EYS: variants seen among roughly 807,000 people sequenced by gnomAD.
EYS encodes the protein EGF-like photoreceptor maintenance factor, also known as protein eyes shut homolog.
EYS carries 250 observed loss-of-function variants against 282.1 expected under a neutral mutation model. The observed-to-expected ratio is 0.89, with a 90% CI of 0.80 to 0.98. EYS has a LOEUF of 0.98. EYS is among the 50% of genes least tolerant of loss of function. EYS has a pLI of 0.00. For synonymous variants in EYS, 1,355 were observed against 1,282.9 expected (o/e 1.06, Z -1.20); for missense variants, 4,016 against 3,709.0 (o/e 1.08, Z -2.15).
intron 26 of EYS, among the ~76,000 whole-genome samples, chr6:64,580,783 A>G (rs1358352394): frequency 6.6e-6 from 1 of 152,170 alleles, no homozygotes; most frequent in Non-Finnish European, 1.5e-5. Context: ...AGAGAACTGC[A>G]TTATTTCAAG....
At chr6:65,020,311 T>C (rs890634508) in intron 13 of EYS, among the ~76,000 whole-genome samples, 2 of 152,178 alleles carry the variant, frequency 1.3e-5, no homozygotes, top group African/African-American at 4.8e-5. Flanking sequence ...CTAGATACAA[T>C]GTGAGTATAG....
intron 12 of EYS, among the ~76,000 whole-genome samples, chr6:65,072,812 G>GA (rs1366457363): frequency 2.0e-5 from 3 of 151,170 alleles, no homozygotes; most frequent in African/African-American, 7.3e-5. Flanking sequence ...ATAATTATTT[G>GA]AAAAAAATCA....
rs908220847 is a variant in EYS, at chr6:65,450,394, A to G, written c.862+40200T>C. 1.4e-4 allele frequency among the ~76,000 whole-genome samples: 21 copies of G among 152,182 alleles called. No homozygotes were observed. The East Asian group carries it at 2.1e-3, about 15-fold the overall frequency. On this transcript the variant is annotated intron_variant, in intron 5 of 42. Coordinates refer to ENST00000503581, the MANE Select transcript of EYS (RefSeq NM_001142800.2). ...TATTTTTAAAAGTTACATTGTATTTACGAGATGTTACAGATTGGATTCTCT... is the reference window on the plus strand; with the variant it reads ...TATTTTTAAAAGTTACATTGTATTTGCGAGATGTTACAGATTGGATTCTCT...
chr6:64,066,548 A>AC, intron 32 of EYS, 57 bp from the exon 33 acceptor site: 2 of 1,204,468 alleles, frequency 1.7e-6, no homozygotes, highest in Non-Finnish European at 2.3e-6. Context: ...TTATTGGTTA[A>AC]CAATAATTAA....
intron 5 of EYS, among the ~76,000 whole-genome samples, chr6:65,462,184 A>G (rs537790937): frequency 1.3e-5 from 2 of 152,260 alleles, no homozygotes; most frequent in East Asian, 3.9e-4. Flanking sequence ...AATCTCAAAG[A>G]TATGCTGAGT....
intron 13 of EYS, among the ~76,000 whole-genome samples, chr6:65,016,876 A>T (rs1441533855): frequency 6.6e-6 from 1 of 152,238 alleles, no homozygotes; most frequent in Admixed American, 6.5e-5. Flanking sequence ...TAAACAGAAG[A>T]TCTAGCTAAC....
chr6:64,108,320 AT>A (rs1274018682), intron 31 of EYS, among the ~76,000 whole-genome samples: 1 of 151,982 alleles, frequency 6.6e-6, no homozygotes, highest in Non-Finnish European at 1.5e-5. Flanking sequence ...ATAAATTATA[AT>A]TCTCTGTATT....
At chr6:64,426,648 G>C in intron 28 of EYS, among the ~76,000 whole-genome samples, 1 of 152,038 alleles carries the variant, frequency 6.6e-6, no homozygotes, top group Middle Eastern at 3.2e-3. Flanking sequence ...TGTGAAAAAG[G>C]ATGGAGTCTA....
intron 1 of EYS, among the ~76,000 whole-genome samples, chr6:65,689,388 G>T (rs532938025): frequency 3.3e-5 from 5 of 149,696 alleles, no homozygotes; most frequent in African/African-American, 4.9e-5. Context: ...GTGGGGGTAG[G>T]GGGGAGGGAT....
intron 26 of EYS, among the ~76,000 whole-genome samples, chr6:64,571,184 A>G (rs1765714322): frequency 6.6e-6 from 1 of 152,162 alleles, no homozygotes; most frequent in South Asian, 2.1e-4. Flanking sequence ...ATGACACACT[A>G]GTTAAATAAC....
At position 64,900,338 on chromosome 6, in the gene EYS, A is replaced by T. The variant is rs949321392; in HGVS notation, c.2846+1775T>A. On this transcript the variant is annotated intron_variant, in intron 18 of 42. Coordinates refer to ENST00000503581, the MANE Select transcript of EYS (RefSeq NM_001142800.2). The stretch of plus-strand genomic sequence containing the variant: ...AGGCAGGGGCAAAGACTTCATGACT[A>T]AAACACCAAAAGCAATGGCAACAAA... Among the ~76,000 whole-genome samples, 13 of 152,352 alleles carry T rather than the reference A, an allele frequency of 8.5e-5. No homozygotes were observed. The South Asian group carries it at 2.7e-3, about 32-fold the overall frequency.
chr6:64,734,714 G>T (rs1772126910), intron 22 of EYS, among the ~76,000 whole-genome samples: 1 of 152,168 alleles, frequency 6.6e-6, no homozygotes, highest in Non-Finnish European at 1.5e-5. Flanking sequence ...GCTCGCACAT[G>T]TGTCCACATG....
intron 22 of EYS, among the ~76,000 whole-genome samples, chr6:64,754,494 G>A (rs930542712): frequency 6.6e-6 from 1 of 152,024 alleles, no homozygotes; most frequent in African/African-American, 2.4e-5. Context: ...TATGAAGCCA[G>A]TATCAGCTTG....
At chr6:64,758,138 G>T (rs16895771) in intron 22 of EYS, among the ~76,000 whole-genome samples, 2,781 of 152,040 alleles carry the variant, frequency 0.018, 85 homozygotes, top group East Asian at 0.14. Flanking sequence ...CGAGTTATTT[G>T]TTGAGTGTCA....
intron 28 of EYS, among the ~76,000 whole-genome samples, chr6:64,389,804 G>T (rs1365022982): frequency 6.6e-6 from 1 of 152,186 alleles, no homozygotes; most frequent in Non-Finnish European, 1.5e-5. Context: ...CCGGTCTACA[G>T]CTCCCAGCGT....
chr6:65,484,987 A>G (rs1765737022), intron 5 of EYS, among the ~76,000 whole-genome samples: 1 of 152,232 alleles, frequency 6.6e-6, no homozygotes, highest in Admixed American at 6.5e-5. Flanking sequence ...GAAGTCTAAA[A>G]TATTTACTAT....
At chr6:64,242,377 C>CGGTTT (rs1766863441) in intron 30 of EYS, among the ~76,000 whole-genome samples, 13 of 152,068 alleles carry the variant, frequency 8.5e-5, no homozygotes, top group Admixed American at 6.6e-4. Context: ...GCATTTAAAC[C>CGGTTT]AAATCAGAAA....
chr6:64,436,317 TACC>T (rs1554161339), intron 27 of EYS, 52 bp from the exon 28 acceptor site: 6 of 913,534 alleles, frequency 6.6e-6, no homozygotes, highest in Non-Finnish European at 1.0e-5. Context: ...ATGAAATTAA[TACC>T]ATATATTTGC....
chr6:63,860,290 A>G (rs975087285), intron 36 of EYS, among the ~76,000 whole-genome samples: 2 of 152,206 alleles, frequency 1.3e-5, no homozygotes, highest in African/African-American at 4.8e-5. Flanking sequence ...TGACTCAAAA[A>G]TATTGAATAT....
Sources: allele counts gnomAD v4.1 joint callset (sites outside exome capture counted in the v4.1 genomes callset), GRCh38; gene constraint gnomAD v4.1.1; transcripts MANE v1.5; gene names NCBI Gene and HGNC (gene_info 2026-07-23, HGNC 2026-07-21).